Variants in UAP1L1 observed in about 807,000 individuals in gnomAD.
The protein encoded by UAP1L1 is UDP-N-acetylglucosamine pyrophosphorylase 1 like 1.
UAP1L1 carries 45 observed loss-of-function variants against 45.3 expected under a neutral mutation model. The ratio of observed to expected loss-of-function variants is 0.99; its 90% CI spans 0.78 to 1.27. UAP1L1 has a LOEUF of 1.27. Ranked by LOEUF, UAP1L1 falls within the 50% of genes most tolerant of loss-of-function variation. The pLI, the probability that UAP1L1 is intolerant of heterozygous loss-of-function variation, is 0.00. For synonymous variants in UAP1L1, 323 were observed against 303.9 expected (o/e 1.06, Z -0.65); for missense variants, 667 against 694.0 (o/e 0.96, Z 0.44).
In UAP1L1 at chr9:137,077,522, G is replaced by T; in HGVS notation, c.-11G>T. Reference sequence around the variant, plus strand: ...GTCACGAGTGCCGACTTGACAGACGGCAGCGGCGACATGGCTTCGGAGCAG... The same window carrying T: ...GTCACGAGTGCCGACTTGACAGACGTCAGCGGCGACATGGCTTCGGAGCAG... On this transcript the variant is annotated 5_prime_UTR_variant, in exon 1 of 9. Coordinates refer to ENST00000409858, the MANE Select transcript of UAP1L1 (RefSeq NM_207309.3). This position sits in a 1 kb window ranked among gnomAD's most constrained non-coding sequence, Gnocchi z 4.7. 1 of 1,358,200 alleles carries T rather than the reference G, an allele frequency of 7.4e-7. No individual in the cohort carries two copies. Among genetic ancestry groups the T allele is most frequent in the Non-Finnish European group, 9.6e-7 (1 of 1,045,660 alleles). The allele number at this position is 1,358,200 out of a possible 1,614,324, so 84.1% of individuals were successfully genotyped here.
intron 5 of UAP1L1, 95 bp from the exon 6 acceptor site, chr9:137,079,907 C>T (rs1400181918): frequency 1.3e-6 from 2 of 1,486,966 alleles, no homozygotes; most frequent in South Asian, 2.5e-5. Context: ...CATCCTGTCC[C>T]ACCCAGCTGG....
rs952100270 is a variant in UAP1L1, at chr9:137,080,160, T to C, written c.1178+18T>C. The C allele has an allele frequency of 6.2e-7, 1 of 1,612,872 alleles. No homozygotes were observed. The highest frequency in any genetic ancestry group is 1.3e-5 in the African/African-American group (1 of 74,912). On this transcript the variant is annotated intron_variant, in intron 6 of 8. Coordinates refer to ENST00000409858, the MANE Select transcript of UAP1L1 (RefSeq NM_207309.3). ...TTTGCTAAGTTAGTAGTAGAACTCA[T>C]TTATTTTCCCCTTCTTCCTTCTCTC...
chr9:137,081,123 C>A (rs1375928548), intron 7 of UAP1L1, among the ~76,000 whole-genome samples: 2 of 152,218 alleles, frequency 1.3e-5, no homozygotes, highest in East Asian at 3.8e-4. Flanking sequence ...CTCCCCAACT[C>A]CCTCCCCAAC....
At position 137,082,533 on chromosome 9, in the gene UAP1L1, C is replaced by A; in HGVS notation, c.1432-104C>A. 1.1e-6 allele frequency: 1 copy of A among 940,486 alleles called. No individual in the cohort carries two copies. Among genetic ancestry groups the A allele is most frequent in the Non-Finnish European group, 1.6e-6 (1 of 608,832 alleles). 58.3% of individuals were successfully genotyped at this position (940,486 alleles called of 1,614,324 possible). A position where few individuals can be genotyped will look rare whatever the true frequency, so the allele number is the denominator to read the frequency against. On this transcript the variant is annotated intron_variant, in intron 8 of 8. Transcript: ENST00000409858. The surrounding 1 kb of genome is among the most constrained non-coding windows in gnomAD (Gnocchi z 5.7). Reference sequence around the variant, plus strand: ...GTCCCCACCCCTCCCTGACTCCAGGCAGACCTGGGATCGCACCTGGGGACT... The same window carrying A: ...GTCCCCACCCCTCCCTGACTCCAGGAAGACCTGGGATCGCACCTGGGGACT...
chr9:137,082,834 G>A lies in UAP1L1; in HGVS notation c.*105G>A. 1 of 909,430 alleles carries A rather than the reference G, an allele frequency of 1.1e-6. No individual in the cohort carries two copies. Among genetic ancestry groups the A allele is most frequent in the Non-Finnish European group, 1.7e-6 (1 of 591,084 alleles). 56.3% of individuals were successfully genotyped at this position (909,430 alleles called of 1,614,324 possible). On this transcript the variant is annotated 3_prime_UTR_variant, in exon 9 of 9. Coordinates refer to ENST00000409858, the MANE Select transcript of UAP1L1 (RefSeq NM_207309.3). This position sits in a 1 kb window ranked among gnomAD's most constrained non-coding sequence, Gnocchi z 5.7. ...CAGCCCCGGCGTCCTGGAGCTGGGG[G>A]CTACAGCCCAGCCTGAGCTCTGGGT...
Position 137,081,555 on chromosome 9 carries a change from G to T in UAP1L1, c.1365-443G>T, listed in dbSNP as rs182303907. Among the ~76,000 whole-genome samples the T allele has an allele frequency of 2.2e-3, 330 of 152,210 alleles. 1 individual carries two copies. Among genetic ancestry groups the T allele is most frequent in the Middle Eastern group, 0.01 (3 of 294 alleles). ...TCTTATTTGTATACATTTGTGGGGT[G>T]TGTGTGCAACTTTGGTCAGTCAGGT... On this transcript the variant is annotated intron_variant, in intron 7 of 8. Coordinates refer to ENST00000409858, the MANE Select transcript of UAP1L1 (RefSeq NM_207309.3).
chr9:137,079,197 C>T, intron 4 of UAP1L1, 49 bp downstream of exon 4: 1 of 1,589,366 alleles, frequency 6.3e-7, no homozygotes, highest in Non-Finnish European at 8.5e-7. Flanking sequence ...GGCCCCGCCC[C>T]TCACGGAGCC....
In UAP1L1 at chr9:137,078,679, T is replaced by A. The variant is rs762639408; in HGVS notation, c.670+2T>A. 2 of 1,609,972 alleles carry A rather than the reference T, an allele frequency of 1.2e-6. No homozygotes were observed. Among genetic ancestry groups the A allele is most frequent in the South Asian group, 1.1e-5 (1 of 90,868 alleles). On this transcript the variant is annotated splice_donor_variant, in intron 3 of 8. Transcript: ENST00000409858. LOFTEE classifies it high-confidence loss of function. ...AAGACAAAGTTGCCATGGCCCCAGG[T>A]GTGGCCCGTTCCTGAGACGGGGAGG... is the stretch of plus-strand genomic sequence containing the variant.
Position 137,079,005 on chromosome 9 carries a change from G to A in UAP1L1, c.700G>A (p.Glu234Lys), listed in dbSNP as rs141018976. 5.2e-5 allele frequency: 83 copies of A among 1,600,432 alleles called. No individual in the cohort carries two copies. The African/African-American group carries it at 9.0e-4, about 17-fold the overall frequency. ...DGNGGLYCALEDHKILEDMER... is the reference protein window; with the variant it reads ...DGNGGLYCALKDHKILEDMER... ...CAACGGGGGCCTCTACTGCGCGCTG[G>A]AGGACCACAAGATCCTGGAGGACAT... The change falls in exon 4 of 9, where the codon GAG becomes AAG. Residue 234 changes from glutamate (E) to lysine (K), a missense_variant. Physicochemically the swap from Glu to Lys is moderately conservative, Grantham distance 56. Coordinates refer to ENST00000409858, the MANE Select transcript of UAP1L1 (RefSeq NM_207309.3).
intron 2 of UAP1L1, 106 bp from the exon 3 acceptor site, chr9:137,078,396 C>G: frequency 1.3e-6 from 2 of 1,590,330 alleles, no homozygotes; most frequent in Non-Finnish European, 1.7e-6. Context: ...GGCCCCAGCC[C>G]CAACTGGACA....
chr9:137,083,153 A>G lies in UAP1L1; in HGVS notation c.*424A>G, dbSNP rs1832818977. 1 of 184,098 alleles carries G rather than the reference A, an allele frequency of 5.4e-6. No homozygotes were observed. Among genetic ancestry groups the G allele is most frequent in the Non-Finnish European group, 1.2e-5 (1 of 85,768 alleles). 11.4% of individuals were successfully genotyped at this position (184,098 alleles called of 1,614,324 possible). ...TGGGAGCCCGCCTTGTGGATCCACC[A>G]CACCCCACCGAGCACTAGAAGCTGC... On this transcript the variant is annotated 3_prime_UTR_variant, in exon 9 of 9. Transcript: ENST00000409858.
In UAP1L1 at chr9:137,082,825, G is replaced by T. The variant is rs1832813160; in HGVS notation, c.*96G>T. 2.9e-6 allele frequency: 3 copies of T among 1,037,662 alleles called. No individual in the cohort carries two copies. Among genetic ancestry groups the T allele is most frequent in the Non-Finnish European group, 4.3e-6 (3 of 704,120 alleles). The allele number at this position is 1,037,662 out of a possible 1,614,324, so 64.3% of individuals were successfully genotyped here. On this transcript the variant is annotated 3_prime_UTR_variant, in exon 9 of 9. Coordinates refer to ENST00000409858, the MANE Select transcript of UAP1L1 (RefSeq NM_207309.3). The surrounding 1 kb of genome is among the most constrained non-coding windows in gnomAD (Gnocchi z 5.7). ...CAGACCTGCCAGCCCCGGCGTCCTG[G>T]AGCTGGGGGCTACAGCCCAGCCTGA...
In UAP1L1 at chr9:137,079,856, G is replaced by A. The variant is rs571619540; in HGVS notation, c.1038-146G>A. The A allele has an allele frequency of 5.4e-6, 5 of 920,806 alleles. No homozygotes were observed. In the East Asian group the frequency reaches 9.9e-5, roughly 18 times the overall value. 57.0% of individuals were successfully genotyped at this position (920,806 alleles called of 1,614,324 possible). A position where few individuals can be genotyped will look rare whatever the true frequency, so the allele number is the denominator to read the frequency against. ...GTGCCTGCTTCTCCCTGGAGATCTG[G>A]CCCTACTCTGCCGCTTCTGTGCCCT... On this transcript the variant is annotated intron_variant, in intron 5 of 8. Transcript: ENST00000409858.
intron 2 of UAP1L1, 101 bp from the exon 3 acceptor site, chr9:137,078,401 T>C (rs762252391): frequency 6.3e-7 from 1 of 1,596,696 alleles, no homozygotes; most frequent in Non-Finnish European, 8.6e-7. Context: ...CAGCCCCAAC[T>C]GGACACTGGA....
chr9:137,081,866 G>A, intron 7 of UAP1L1, 132 bp from the exon 8 acceptor site: 1 of 865,922 alleles, frequency 1.2e-6, no homozygotes, highest in Non-Finnish European at 2.0e-6. Context: ...TCCAGAGGAA[G>A]ATGAGCTTGC....
chr9:137,080,619 G>GC, intron 6 of UAP1L1, 70 bp from the exon 7 acceptor site: 1 of 1,473,888 alleles, frequency 6.8e-7, no homozygotes, highest in South Asian at 1.3e-5. Flanking sequence ...TGGAAACCTG[G>GC]CCCAGCTCTC....
chr9:137,077,577 C>A lies in UAP1L1; in HGVS notation c.45C>A (p.Gly15=). 7.2e-7 allele frequency: 1 copy of A among 1,395,604 alleles called. No homozygotes were observed. Among genetic ancestry groups the A allele is most frequent in the African/African-American group, 1.5e-5 (1 of 66,070 alleles). The allele number at this position is 1,395,604 out of a possible 1,614,324, so 86.5% of individuals were successfully genotyped here. A position where few individuals can be genotyped will look rare whatever the true frequency, so the allele number is the denominator to read the frequency against. The change falls in exon 1 of 9, where the codon GGC becomes GGA. Residue 15 remains glycine, a synonymous_variant. Coordinates refer to ENST00000409858, the MANE Select transcript of UAP1L1 (RefSeq NM_207309.3). This position sits in a 1 kb window ranked among gnomAD's most constrained non-coding sequence, Gnocchi z 4.7. ...TGCGCGCCCGGCTGCAGCGCGCTGG[C>A]CAGGAGCACCTCCTGCGCTTCTGGG... ...QDVRARLQRA[G]QEHLLRFWAE...
rs972383028 is a variant in UAP1L1 at position 137,078,471 on chromosome 9, T to C, written c.495-31T>C. The C allele has an allele frequency of 1.9e-6, 3 of 1,612,612 alleles. No individual in the cohort carries two copies. In the African/African-American group the frequency reaches 4.0e-5, roughly 21 times the overall value. ...CGTCTGCCTGCAGGGCCAGGCGTAC[T>C]CGCGGCCGGCTCACCGCGCCTCCCT... On this transcript the variant is annotated intron_variant, in intron 2 of 8. Coordinates refer to ENST00000409858, the MANE Select transcript of UAP1L1 (RefSeq NM_207309.3).
rs532003290 is a variant in UAP1L1 at position 137,083,848 on chromosome 9, C to T, written c.*1119C>T. The T allele has an allele frequency of 6.6e-6, 1 of 152,440 alleles. No individual in the cohort carries two copies. Among genetic ancestry groups the T allele is most frequent in the East Asian group, 1.9e-4 (1 of 5,194 alleles). 9.4% of individuals were successfully genotyped at this position (152,440 alleles called of 1,614,324 possible). A position where few individuals can be genotyped will look rare whatever the true frequency, so the allele number is the denominator to read the frequency against. On this transcript the variant is annotated 3_prime_UTR_variant, in exon 9 of 9. Coordinates refer to ENST00000409858, the MANE Select transcript of UAP1L1 (RefSeq NM_207309.3). ...CATCCTCTGCCCCCACCTCGAAACC[C>T]ACAGTCCCCAGTGGAGGGCCACTAC...
Sources: gnomAD v4.1 joint callset for allele counts (sites outside exome capture counted in the v4.1 genomes callset) on GRCh38, gnomAD v4.1.1 for gene constraint, Gnocchi (gnomAD v3.1) non-coding constraint, MANE v1.5 for transcripts, NCBI Gene and HGNC (gene_info 2026-07-23, HGNC 2026-07-21) for gene names.